SV2C: variants seen among roughly 807,000 people sequenced by gnomAD.
The protein encoded by SV2C is solute carrier family 22 member B3.
A neutral mutation model predicts 79.7 loss-of-function variants in SV2C; 49 were observed. The observed-to-expected ratio is 0.61, with a 90% confidence interval of 0.49 to 0.78. The LOEUF is 0.78. Ranked by LOEUF, SV2C falls within the 30% of genes least tolerant of loss-of-function variation. The pLI, the probability that SV2C is intolerant of heterozygous loss-of-function variation, is 0.00. For synonymous variants in SV2C, 334 were observed against 333.2 expected, an observed-to-expected ratio of 1.00 and a Z score of -0.03; for missense variants, 833 against 912.9, an observed-to-expected ratio of 0.91 and a Z score of 1.13.
chr5:76,192,983 C>T (rs1332934794), intron 2 of SV2C, among the ~76,000 whole-genome samples: 7 of 152,202 alleles, frequency 4.6e-5, no homozygotes, highest in African/African-American at 1.7e-4. Context: ...TTCCCAGAGG[C>T]CACGTGAGAA....
At chr5:76,054,118 T>C in the SV2C span, among the ~76,000 whole-genome samples, 8 of 152,090 alleles carry the variant, frequency 5.3e-5, no homozygotes, top group African/African-American at 1.9e-4. Context: ...ATGTATTAGG[T>C]ATTTGTCCAA....
intron 12 of SV2C, among the ~76,000 whole-genome samples, chr5:76,345,669 T>C (rs570415537): frequency 2.2e-4 from 34 of 152,336 alleles, no homozygotes; most frequent in African/African-American, 7.7e-4. Context: ...TCAATAGTAA[T>C]AGCTAACAAT....
At chr5:76,089,991 A>C (rs916634550) in intron 1 of SV2C, among the ~76,000 whole-genome samples, 5 of 152,176 alleles carry the variant, frequency 3.3e-5, no homozygotes, top group Non-Finnish European at 7.3e-5. Flanking sequence ...TATCTTGTAA[A>C]ATGAGAGGAT....
At chr5:76,036,465 G>A in the SV2C span, among the ~76,000 whole-genome samples, 38 of 151,998 alleles carry the variant, frequency 2.5e-4, no homozygotes, top group Non-Finnish European at 5.2e-4. Flanking sequence ...CTCAGCATTT[G>A]CTTGTCTGTA....
intron 4 of SV2C, among the ~76,000 whole-genome samples, chr5:76,214,330 A>T (rs1744853119): frequency 6.6e-6 from 1 of 152,202 alleles, no homozygotes; most frequent in Non-Finnish European, 1.5e-5. Context: ...TTTATCAAAG[A>T]TCAGTTGACT....
At chr5:76,280,666 G>A (rs537852953) in intron 4 of SV2C, among the ~76,000 whole-genome samples, 2 of 152,292 alleles carry the variant, frequency 1.3e-5, no homozygotes, top group South Asian at 2.1e-4. Context: ...GGCCGGCTCC[G>A]AGGTGGCCTG....
intron 2 of SV2C, among the ~76,000 whole-genome samples, chr5:76,187,823 C>T (rs1743968755): frequency 6.6e-6 from 1 of 150,908 alleles, no homozygotes; most frequent in Non-Finnish European, 1.5e-5. Context: ...ATCTTCTTTT[C>T]AGAACTTGAG....
the SV2C span, among the ~76,000 whole-genome samples, chr5:75,895,255 A>G: frequency 6.6e-6 from 1 of 152,182 alleles, no homozygotes; most frequent in African/African-American, 2.4e-5. Context: ...ATTATATAAC[A>G]TTGAAATAAA....
chr5:75,980,766 GA>G, the SV2C span, among the ~76,000 whole-genome samples: 1 of 152,052 alleles, frequency 6.6e-6, no homozygotes, highest in Non-Finnish European at 1.5e-5. Flanking sequence ...TACTGAATGA[GA>G]AAAAGCTGAA....
chr5:75,960,369 G>A, the SV2C span, among the ~76,000 whole-genome samples: 5 of 151,952 alleles, frequency 3.3e-5, no homozygotes, highest in Non-Finnish European at 7.4e-5. Flanking sequence ...TTATACAGTG[G>A]TGGTCTCATA....
the SV2C span, among the ~76,000 whole-genome samples, chr5:75,884,120 A>C: frequency 4.6e-5 from 7 of 152,176 alleles, no homozygotes; most frequent in South Asian, 4.1e-4. Flanking sequence ...GATTTTCTTC[A>C]GGAAGGTAAA....
the SV2C span, among the ~76,000 whole-genome samples, chr5:75,919,780 A>G: frequency 1.3e-5 from 2 of 152,238 alleles, no homozygotes; most frequent in African/African-American, 4.8e-5. Context: ...TGTTGTAGTG[A>G]TATTTTGGAC....
the SV2C span, among the ~76,000 whole-genome samples, chr5:75,870,597 T>C: frequency 2.0e-5 from 3 of 152,150 alleles, no homozygotes; most frequent in Non-Finnish European, 4.4e-5. Flanking sequence ...AGAAGTTTAT[T>C]CAAAGGGATA....
intron 4 of SV2C, among the ~76,000 whole-genome samples, chr5:76,240,256 G>A (rs1411208185): frequency 6.6e-6 from 1 of 152,242 alleles, no homozygotes; most frequent in Non-Finnish European, 1.5e-5. Flanking sequence ...AATGTGGCAA[G>A]TAATAATTAC....
upstream of SV2C, chr5:76,078,922 G>C (rs1746930948): frequency 1.8e-6 from 1 of 548,946 alleles, no homozygotes; most frequent in Admixed American, 2.0e-5. Flanking sequence ...GGGCAAAGAA[G>C]AGATCGACAG....
the SV2C span, among the ~76,000 whole-genome samples, chr5:76,037,980 A>G: frequency 6.6e-6 from 1 of 152,202 alleles, no homozygotes; most frequent in Non-Finnish European, 1.5e-5. Context: ...AAAGCGCAGT[A>G]TTAGGGTGGG....
the SV2C span, among the ~76,000 whole-genome samples, chr5:75,980,951 T>C: frequency 2.6e-5 from 4 of 152,194 alleles, no homozygotes; most frequent in African/African-American, 9.7e-5. Context: ...CATGATCCTA[T>C]AGCTAGAAAG....
chr5:76,149,600 T>C (rs62363488), intron 2 of SV2C, among the ~76,000 whole-genome samples: 51,939 of 152,004 alleles, frequency 0.34, 10,500 homozygotes, highest in Non-Finnish European at 0.47. Flanking sequence ...GTATTTGGCT[T>C]ATTCACCAAT....
At chr5:75,982,909 A>G in the SV2C span, among the ~76,000 whole-genome samples, 1 of 152,218 alleles carries the variant, frequency 6.6e-6, no homozygotes, top group Non-Finnish European at 1.5e-5. Context: ...TGGGAGCTGA[A>G]TGATGAGAAC....
Sources: gnomAD v4.1 joint callset for allele counts (sites outside exome capture counted in the v4.1 genomes callset) on GRCh38, gnomAD v4.1.1 for gene constraint, MANE v1.5 for transcripts, NCBI Gene and HGNC (gene_info 2026-07-23, HGNC 2026-07-21) for gene names.